Variants in GPC5 observed in about 807,000 individuals in gnomAD.
GPC5 encodes the protein glypican-5.
GPC5 carries 47 observed loss-of-function variants against 53.9 expected under a neutral mutation model. The observed-to-expected ratio is 0.87, with a 90% CI of 0.69 to 1.11. The LOEUF (loss-of-function observed/expected upper bound fraction) is 1.11, where lower values mean the gene tolerates loss of function less well. Ranked by LOEUF, GPC5 falls within the 50% of genes most tolerant of loss-of-function variation. GPC5 has a pLI of 0.00. For synonymous variants in GPC5, 286 were observed against 263.3 expected, an observed-to-expected ratio of 1.09 and a Z score of -0.84; for missense variants, 748 against 713.1, an observed-to-expected ratio of 1.05 and a Z score of -0.56.
Position 91,571,823 on chromosome 13 carries a change from A to ATATACACACACATATACGTGTGTG in GPC5, c.326-121360_326-121359insCACACACATATACGTGTGTGTATA, listed in dbSNP as rs1555325816. Among the ~76,000 whole-genome samples the ATATACACACACATATACGTGTGTG allele has an allele frequency of 5.6e-3, 388 of 68,718 alleles. 104 individuals are homozygous for ATATACACACACATATACGTGTGTG. Among genetic ancestry groups the ATATACACACACATATACGTGTGTG allele is most frequent in the African/African-American group, 0.036 (366 of 10,194 alleles). The allele number at this position is 68,718 out of a possible 152,430, so 45.1% of individuals were successfully genotyped here. A position where few individuals can be genotyped will look rare whatever the true frequency, so the allele number is the denominator to read the frequency against. On this transcript the variant is annotated intron_variant, in intron 2 of 7. Transcript: ENST00000377067. ...TATATACACACACATACGTGTGTGT[A>ATATACACACACATATACGTGTGTG]TATATACACATATACTTGTGTGTAT...
chr13:92,553,480 T>C (rs1247894844), intron 7 of GPC5, among the ~76,000 whole-genome samples: 1 of 151,988 alleles, frequency 6.6e-6, no homozygotes, highest in Non-Finnish European at 1.5e-5. Flanking sequence ...GACATTATGA[T>C]ACAAATCTAT....
intron 7 of GPC5, among the ~76,000 whole-genome samples, chr13:92,203,654 AT>A (rs1198033811): frequency 3.5e-4 from 37 of 104,866 alleles, no homozygotes; most frequent in African/African-American, 9.1e-4. Flanking sequence ...ATATATATAT[AT>A]AAAAAAATAA....
rs952297491 is a variant in GPC5 at position 92,725,764 on chromosome 13, T to C, written c.1562-140518T>C. ...AAATAGAGCTCTTCACTGGAGTTAT[T>C]AAACATAGAATTTGAGAAAAATTTA... On this transcript the variant is annotated intron_variant, in intron 7 of 7. Coordinates refer to ENST00000377067, the MANE Select transcript of GPC5 (RefSeq NM_004466.6). 2.0e-5 allele frequency among the ~76,000 whole-genome samples: 3 copies of C among 151,658 alleles called. No individual in the cohort carries two copies. In the Admixed American group the frequency reaches 2.0e-4, roughly 10 times the overall value.
intron 7 of GPC5, among the ~76,000 whole-genome samples, chr13:92,201,832 A>G (rs2042297299): frequency 6.6e-6 from 1 of 152,238 alleles, no homozygotes; most frequent in South Asian, 2.1e-4. Context: ...ACATAAAGCA[A>G]TAATACATCT....
intron 2 of GPC5, among the ~76,000 whole-genome samples, chr13:91,682,770 C>G (rs2035537029): frequency 6.6e-6 from 1 of 152,198 alleles, no homozygotes; most frequent in Non-Finnish European, 1.5e-5. Context: ...TTGAATCTCA[C>G]AGCTATCCTG....
intron 7 of GPC5, among the ~76,000 whole-genome samples, chr13:92,498,742 C>T (rs1880078290): frequency 6.6e-6 from 1 of 152,146 alleles, no homozygotes; most frequent in African/African-American, 2.4e-5. Context: ...GCTCTTTCAT[C>T]TATATGGGTT....
At chr13:92,344,209 T>G (rs2043390929) in intron 7 of GPC5, among the ~76,000 whole-genome samples, 1 of 152,088 alleles carries the variant, frequency 6.6e-6, no homozygotes, top group South Asian at 2.1e-4. Flanking sequence ...AACACACCCT[T>G]CTTCACATGG....
chr13:91,572,115 ATATATACGTGTG>A (rs1393710779), intron 2 of GPC5, among the ~76,000 whole-genome samples: 5 of 125,670 alleles, frequency 4.0e-5, no homozygotes, highest in Admixed American at 7.7e-5. Flanking sequence ...ACACACATGT[ATATATACGTGTG>A]TATATACACA....
rs976042261 is a variant in GPC5 at position 92,207,433 on chromosome 13, C to CA, written c.1561+62451dup. On this transcript the variant is annotated intron_variant, in intron 7 of 7. Coordinates refer to ENST00000377067, the MANE Select transcript of GPC5 (RefSeq NM_004466.6). ...GTCCTGAAACCACTACATCGGATAG[C>CA]AAAAAAAGAAAGTTGAGAACATGTG... Among the ~76,000 whole-genome samples the CA allele has an allele frequency of 3.3e-4, 50 of 152,140 alleles. 1 individual carries two copies. The highest frequency in any genetic ancestry group is 1.0e-3 in the Admixed American group (16 of 15,282).
At chr13:92,126,338 CAATT>C (rs1393994354) in intron 6 of GPC5, among the ~76,000 whole-genome samples, 1 of 152,162 alleles carries the variant, frequency 6.6e-6, no homozygotes, top group African/African-American at 2.4e-5. Context: ...AAATTTCTAT[CAATT>C]CTCAGCCTAA....
At chr13:92,750,393 T>A (rs1289046916) in intron 7 of GPC5, among the ~76,000 whole-genome samples, 2 of 152,032 alleles carry the variant, frequency 1.3e-5, no homozygotes, top group African/African-American at 2.4e-5. Flanking sequence ...CGTTTTGGGG[T>A]TAAATCTTCT....
At chr13:91,891,566 G>A (rs1006814919) in intron 5 of GPC5, among the ~76,000 whole-genome samples, 1 of 152,074 alleles carries the variant, frequency 6.6e-6, no homozygotes, top group African/African-American at 2.4e-5. Flanking sequence ...GGGGGATCAA[G>A]TAGGGAGAAA....
chr13:92,283,702 A>G (rs538150017), intron 7 of GPC5, among the ~76,000 whole-genome samples: 51 of 152,340 alleles, frequency 3.3e-4, no homozygotes, highest in African/African-American at 1.2e-3. Context: ...AATGAGAACA[A>G]AGACACAACA....
At chr13:92,167,152 A>T (rs1256478656) in intron 7 of GPC5, among the ~76,000 whole-genome samples, 1 of 152,150 alleles carries the variant, frequency 6.6e-6, no homozygotes, top group Non-Finnish European at 1.5e-5. Flanking sequence ...TAAGACCCTA[A>T]AATATTGATT....
chr13:92,124,157 A>C (rs1292133239), intron 6 of GPC5, among the ~76,000 whole-genome samples: 10 of 151,628 alleles, frequency 6.6e-5, no homozygotes, highest in African/African-American at 2.4e-4. Context: ...CATCCAAATA[A>C]AGACAGACAT....
At position 91,527,259 on chromosome 13, in the gene GPC5, G is replaced by A. The variant is rs544063883; in HGVS notation, c.325+78337G>A. ...GTCAGTTACTTCCAAGATACAATGAGGATACAGGCATTGGGTAAATGTTCC... is the reference window on the plus strand; with the variant it reads ...GTCAGTTACTTCCAAGATACAATGAAGATACAGGCATTGGGTAAATGTTCC... On this transcript the variant is annotated intron_variant, in intron 2 of 7. Coordinates refer to ENST00000377067, the MANE Select transcript of GPC5 (RefSeq NM_004466.6). 2.6e-5 allele frequency among the ~76,000 whole-genome samples: 4 copies of A among 152,338 alleles called. No homozygotes were observed. The South Asian group carries it at 8.3e-4, about 32-fold the overall frequency.
chr13:91,580,851 TC>T (rs2032335103), intron 2 of GPC5, among the ~76,000 whole-genome samples: 1 of 152,208 alleles, frequency 6.6e-6, no homozygotes, highest in African/African-American at 2.4e-5. Flanking sequence ...ATTTTCACAC[TC>T]CTGTGAAGAC....
chr13:92,858,252 A>G (rs1157092279), intron 7 of GPC5, among the ~76,000 whole-genome samples: 3 of 152,146 alleles, frequency 2.0e-5, no homozygotes, highest in African/African-American at 4.8e-5. Flanking sequence ...ATGATAGTGA[A>G]TAAGTCTCAT....
intron 7 of GPC5, among the ~76,000 whole-genome samples, chr13:92,312,826 T>G (rs571973752): frequency 1.8e-4 from 28 of 152,306 alleles, no homozygotes; most frequent in Admixed American, 5.2e-4. Context: ...TTTTTCCAGT[T>G]CTTGATTATA....
Sources: gnomAD v4.1 joint callset for allele counts (sites outside exome capture counted in the v4.1 genomes callset) on GRCh38, gnomAD v4.1.1 for gene constraint, MANE v1.5 for transcripts, NCBI Gene and HGNC (gene_info 2026-07-23, HGNC 2026-07-21) for gene names.